Variants in NDUFA5 observed in about 807,000 individuals in gnomAD.
NDUFA5 encodes NADH:ubiquinone oxidoreductase subunit A5.
In NDUFA5, 11 loss-of-function variants were observed where a neutral mutation model predicts 19.8. That is an observed-to-expected ratio of 0.56 (90% CI 0.35 to 0.92). NDUFA5 has a LOEUF of 0.92. Among genes scored for constraint, NDUFA5 ranks in the 40% least tolerant of loss-of-function variants. The pLI is 0.01. For synonymous variants in NDUFA5, 47 were observed against 46.8 expected, an observed-to-expected ratio of 1.00 and a Z score of -0.01; for missense variants, 109 against 134.2, an observed-to-expected ratio of 0.81 and a Z score of 0.93.
At chr7:123,597,326 C>T in the NDUFA5 span, among the ~76,000 whole-genome samples, 1 of 151,992 alleles carries the variant, frequency 6.6e-6, no homozygotes, top group African/African-American at 2.4e-5. Context: ...GTTCAAGGAA[C>T]CTTTATTTTA....
At chr7:123,574,684 A>G in the NDUFA5 span, among the ~76,000 whole-genome samples, 2 of 151,470 alleles carry the variant, frequency 1.3e-5, no homozygotes, top group Non-Finnish European at 2.9e-5. Context: ...CCATTTCTCC[A>G]TCTCTGTGGC....
Position 123,538,551 on chromosome 7 carries a change from AGTTTTT to A in NDUFA5, c.*3562_*3567del, listed in dbSNP as rs1011421506. 2.8e-4 allele frequency: 42 copies of A among 152,254 alleles called. No homozygotes were observed. The highest frequency in any genetic ancestry group is 8.3e-4 in the South Asian group (4 of 4,832). 9.4% of individuals were successfully genotyped at this position (152,254 alleles called of 1,614,324 possible). A position where few individuals can be genotyped will look rare whatever the true frequency, so the allele number is the denominator to read the frequency against. Reference sequence around the variant, plus strand: ...TAGGCTACAATCTCACTGAACACTTAGTTTTTGTTTTTGTTTTTAGTAGAGACGGGG... The same window carrying A: ...TAGGCTACAATCTCACTGAACACTTAGTTTTTGTTTTTAGTAGAGACGGGG... On this transcript the variant is annotated 3_prime_UTR_variant, in exon 5 of 5. Coordinates refer to ENST00000355749, the MANE Select transcript of NDUFA5 (RefSeq NM_005000.5).
In NDUFA5 at chr7:123,538,138, C is replaced by G. The variant is rs2117432752; in HGVS notation, c.*3981G>C. ...ATGTGTAATTTACCATGTTCCAATT[C>G]CCCACCACCACTATGGTCATGGAAA... On this transcript the variant is annotated 3_prime_UTR_variant, in exon 5 of 5. Transcript: ENST00000355749. The G allele has an allele frequency of 6.6e-6, 1 of 152,190 alleles. No individual in the cohort carries two copies. Among genetic ancestry groups the G allele is most frequent in the South Asian group, 2.1e-4 (1 of 4,820 alleles). The allele number at this position is 152,190 out of a possible 1,614,324, so 9.4% of individuals were successfully genotyped here.
intron 1 of NDUFA5, 116 bp from the exon 2 acceptor site, chr7:123,557,564 T>C: frequency 1.2e-6 from 2 of 1,612,160 alleles, no homozygotes; most frequent in Non-Finnish European, 1.7e-6. Context: ...AGCCAGCTAC[T>C]GGTCTCTCAG....
Position 123,540,402 on chromosome 7 carries a change from G to A in NDUFA5, c.*1717C>T, listed in dbSNP as rs897106512. ...GATGCCCAAGAATCATGGCAGATACGGGACTGAAAATATGACAAAAACACA... is the reference window on the plus strand; with the variant it reads ...GATGCCCAAGAATCATGGCAGATACAGGACTGAAAATATGACAAAAACACA... On this transcript the variant is annotated 3_prime_UTR_variant, in exon 5 of 5. Coordinates refer to ENST00000355749, the MANE Select transcript of NDUFA5 (RefSeq NM_005000.5). The A allele has an allele frequency of 5.9e-5, 9 of 152,056 alleles. No individual in the cohort carries two copies. In the East Asian group the frequency reaches 1.2e-3, roughly 20 times the overall value. The allele number at this position is 152,056 out of a possible 1,614,324, so 9.4% of individuals were successfully genotyped here. A position where few individuals can be genotyped will look rare whatever the true frequency, so the allele number is the denominator to read the frequency against.
chr7:123,587,475 G>T, the NDUFA5 span, among the ~76,000 whole-genome samples: 2 of 150,784 alleles, frequency 1.3e-5, no homozygotes, highest in African/African-American at 4.9e-5. Context: ...TTTATACATG[G>T]TATTATGTCA....
At chr7:123,544,825 A>G (rs1429177469) in intron 4 of NDUFA5, among the ~76,000 whole-genome samples, 2 of 151,226 alleles carry the variant, frequency 1.3e-5, no homozygotes, top group African/African-American at 4.9e-5. Flanking sequence ...GCTTTAAAAA[A>G]CCAACTACGG....
chr7:123,543,127 G>C, intron 4 of NDUFA5, among the ~76,000 whole-genome samples: 1 of 152,158 alleles, frequency 6.6e-6, no homozygotes, highest in East Asian at 1.9e-4. Flanking sequence ...AAAACAATGA[G>C]TTAAAGAGCA....
the NDUFA5 span, among the ~76,000 whole-genome samples, chr7:123,581,186 C>T: frequency 5.8e-4 from 88 of 151,990 alleles, no homozygotes; most frequent in South Asian, 0.018. Context: ...TTGCTCAGGG[C>T]ATGAACACCG....
intron 4 of NDUFA5, among the ~76,000 whole-genome samples, chr7:123,542,839 T>C (rs1360566529): frequency 6.6e-6 from 1 of 152,200 alleles, no homozygotes; most frequent in Non-Finnish European, 1.5e-5. Flanking sequence ...TTATGTTTCA[T>C]TTAATTTTTC....
chr7:123,569,236 T>A, the NDUFA5 span, among the ~76,000 whole-genome samples: 22 of 152,158 alleles, frequency 1.4e-4, no homozygotes, highest in Admixed American at 1.4e-3. Flanking sequence ...CTTGGCAACA[T>A]CTTAACATTG....
the NDUFA5 span, among the ~76,000 whole-genome samples, chr7:123,593,890 A>C: frequency 3.3e-5 from 5 of 152,074 alleles, no homozygotes; most frequent in Non-Finnish European, 7.4e-5. Context: ...ACTTGGTTCA[A>C]TTCTCCCCGT....
chr7:123,563,744 T>C, the NDUFA5 span, among the ~76,000 whole-genome samples: 1 of 152,144 alleles, frequency 6.6e-6, no homozygotes, highest in African/African-American at 2.4e-5. Flanking sequence ...TACATATACG[T>C]GGCTGTTATC....
At chr7:123,594,881 C>T in the NDUFA5 span, among the ~76,000 whole-genome samples, 13 of 152,308 alleles carry the variant, frequency 8.5e-5, no homozygotes, top group South Asian at 6.2e-4. Context: ...CAGATAGGCC[C>T]TGCCCCCAGA....
chr7:123,588,519 T>C, the NDUFA5 span, among the ~76,000 whole-genome samples: 104 of 151,690 alleles, frequency 6.9e-4, no homozygotes, highest in Middle Eastern at 3.4e-3. Flanking sequence ...GCTCTGATTT[T>C]CCTTTCTTTC....
At chr7:123,570,038 T>A in the NDUFA5 span, among the ~76,000 whole-genome samples, 1 of 141,016 alleles carries the variant, frequency 7.1e-6, no homozygotes, top group Non-Finnish European at 1.5e-5. Flanking sequence ...GCTTTTTTTT[T>A]TTTTTTTTTT....
At chr7:123,587,279 A>T in the NDUFA5 span, among the ~76,000 whole-genome samples, 11 of 151,192 alleles carry the variant, frequency 7.3e-5, no homozygotes, top group Admixed American at 7.3e-4. Flanking sequence ...GGTTAAATTT[A>T]CTCCCAGGTA....
In NDUFA5 at chr7:123,557,790, C is replaced by T; in HGVS notation, c.6G>A (p.Ala2=). 6.2e-7 allele frequency: 1 copy of T among 1,614,100 alleles called. No individual in the cohort carries two copies. The highest frequency in any genetic ancestry group is 8.5e-7 in the Non-Finnish European group (1 of 1,180,016). M[A]GVLKKTTGLV... ...TTCGTCTCACCTTCTTCAGCACACCCGCCATGACAGCGCCAACGACTCGGT... is the reference window on the plus strand; with the variant it reads ...TTCGTCTCACCTTCTTCAGCACACCTGCCATGACAGCGCCAACGACTCGGT... Residue 2 remains alanine, a synonymous_variant, in exon 1 of 5, where the codon GCG becomes GCA. Transcript: ENST00000355749.
the NDUFA5 span, chr7:123,596,566 C>T: frequency 3.9e-5 from 6 of 152,000 alleles, no homozygotes; most frequent in Admixed American, 1.3e-4. Context: ...GAACCAAGAT[C>T]GTACCAGTGC....
Sources: allele counts gnomAD v4.1 joint callset (sites outside exome capture counted in the v4.1 genomes callset), GRCh38; gene constraint gnomAD v4.1.1; transcripts MANE v1.5; gene names NCBI Gene and HGNC (gene_info 2026-07-23, HGNC 2026-07-21).